PAM: variants seen among roughly 807,000 people sequenced by gnomAD.
The protein encoded by PAM is peptidyl-glycine alpha-amidating monooxygenase.
A neutral mutation model predicts 122.1 loss-of-function variants in PAM; 72 were observed. That is an observed-to-expected ratio of 0.59 (90% CI 0.49 to 0.72). The LOEUF (loss-of-function observed/expected upper bound fraction) is 0.72. PAM is among the 30% of genes least tolerant of loss of function. The pLI is 0.00. For missense variants in PAM, 1,106 were observed against 1,183.7 expected (o/e 0.93, Z 0.96); for synonymous variants, 389 against 404.4 (o/e 0.96, Z 0.46).
intron 5 of PAM, among the ~76,000 whole-genome samples, chr5:102,917,757 A>G (rs1383284442): frequency 1.3e-5 from 2 of 152,164 alleles, no homozygotes; most frequent in South Asian, 2.1e-4. Flanking sequence ...GCAAATAGCT[A>G]TTCTGATGAT....
At position 102,916,828 on chromosome 5, in the gene PAM, G is replaced by A. The variant is rs1185428220; in HGVS notation, c.356+2807G>A. On this transcript the variant is annotated intron_variant, in intron 5 of 25. Coordinates refer to ENST00000438793, the MANE Select transcript of PAM (RefSeq NM_001177306.2). ...GCTCACTGCAACCTCCACCTCCTGG[G>A]TTCAAGCAATTCTCCTGCCTCAGCC... 3.3e-5 allele frequency among the ~76,000 whole-genome samples: 5 copies of A among 151,160 alleles called. No individual in the cohort carries two copies. In the East Asian group the frequency reaches 9.7e-4, roughly 29 times the overall value.
intron 1 of PAM, among the ~76,000 whole-genome samples, chr5:102,856,162 T>C (rs1026850518): frequency 2.0e-5 from 3 of 152,172 alleles, no homozygotes; most frequent in Non-Finnish European, 4.4e-5. Context: ...ACTTGCTTCA[T>C]GAGTTAAGGC....
chr5:102,761,496 TAAAAG>T (rs1286502042), intron 1 of PAM, among the ~76,000 whole-genome samples: 4 of 152,132 alleles, frequency 2.6e-5, no homozygotes, highest in Admixed American at 2.6e-4. Context: ...TAGAAATAAA[TAAAAG>T]TAAAGTCTGA....
chr5:102,923,794 T>A (rs1167291668), intron 5 of PAM, among the ~76,000 whole-genome samples: 1 of 152,184 alleles, frequency 6.6e-6, no homozygotes, highest in East Asian at 1.9e-4. Context: ...ACAGAGCTGC[T>A]AAGGGGTGGT....
At chr5:102,938,713 TTAAATTTTTAACCCAAG>T (rs761735671) in intron 7 of PAM, among the ~76,000 whole-genome samples, 2 of 152,152 alleles carry the variant, frequency 1.3e-5, no homozygotes, top group Non-Finnish European at 2.9e-5. Context: ...GCAAATAGCA[TTAAATTTTTAACCCAAG>T]TAAATTAAGA....
At chr5:102,918,754 G>A (rs993015607) in intron 5 of PAM, among the ~76,000 whole-genome samples, 2 of 151,980 alleles carry the variant, frequency 1.3e-5, no homozygotes, top group African/African-American at 2.4e-5. Context: ...TTAAATATGA[G>A]ATTGTAGGCT....
chr5:102,845,243 G>A (rs774639034), intron 1 of PAM, among the ~76,000 whole-genome samples: 1 of 152,188 alleles, frequency 6.6e-6, no homozygotes, highest in Non-Finnish European at 1.5e-5. Flanking sequence ...GAGAGGAGGG[G>A]CACATGAAAT....
chr5:102,920,875 C>G (rs1044006037), intron 5 of PAM, among the ~76,000 whole-genome samples: 4 of 151,724 alleles, frequency 2.6e-5, no homozygotes, highest in East Asian at 1.9e-4. Context: ...TTTTAAATAG[C>G]CTTTAACAGA....
chr5:102,770,085 A>T (rs1263061668), intron 1 of PAM, among the ~76,000 whole-genome samples: 2 of 152,120 alleles, frequency 1.3e-5, no homozygotes, highest in African/African-American at 4.8e-5. Flanking sequence ...ATCTTTGATT[A>T]ATTCATAGGT....
chr5:103,019,776 T>A lies in PAM; in HGVS notation c.2432-14T>A. The A allele has an allele frequency of 6.3e-7, 1 of 1,575,076 alleles. No individual in the cohort carries two copies. The highest frequency in any genetic ancestry group is 8.7e-7 in the Non-Finnish European group (1 of 1,144,550). On this transcript the variant is annotated splice_polypyrimidine_tract_variant and intron_variant, in intron 22 of 25. Coordinates refer to ENST00000438793, the MANE Select transcript of PAM (RefSeq NM_001177306.2). ...AGATTCTGACTTTTCTCTCTCCTTGTTGTGTTGTTACAGAATTGGAACATC... is the reference window on the plus strand; with the variant it reads ...AGATTCTGACTTTTCTCTCTCCTTGATGTGTTGTTACAGAATTGGAACATC...
At chr5:102,870,058 A>G (rs897288626) in intron 3 of PAM, among the ~76,000 whole-genome samples, 5 of 152,116 alleles carry the variant, frequency 3.3e-5, no homozygotes, top group Admixed American at 2.0e-4. Flanking sequence ...AGGTTGAAGG[A>G]AAATGTAAAA....
At chr5:102,874,066 A>G (rs1453710729) in intron 3 of PAM, among the ~76,000 whole-genome samples, 1 of 152,232 alleles carries the variant, frequency 6.6e-6, no homozygotes, top group Non-Finnish European at 1.5e-5. Context: ...TTGAGAAACT[A>G]ATATTATCTT....
intron 1 of PAM, among the ~76,000 whole-genome samples, chr5:102,834,052 G>A (rs959771135): frequency 1.3e-5 from 2 of 152,086 alleles, no homozygotes; most frequent in Non-Finnish European, 2.9e-5. Flanking sequence ...GGTTCAAAAT[G>A]TGTTCTTTAT....
In PAM at chr5:103,029,024, TA is replaced by T. The variant is rs1213104048; in HGVS notation, c.2882del (p.Tyr961PhefsTer20). ...EDDGSESEEE[Y>X]SAPLPALAPS... Reference sequence around the variant, plus strand: ...TGATGGAAGTGAATCAGAAGAGGAGTATTCAGCACCTCTGCCTGCGCTCGCA... The same window carrying T: ...TGATGGAAGTGAATCAGAAGAGGAGTTTCAGCACCTCTGCCTGCGCTCGCA... On this transcript the variant is annotated frameshift_variant, in exon 26 of 26. Transcript: ENST00000438793. LOFTEE classifies it high-confidence loss of function. The T allele has an allele frequency of 6.2e-7, 1 of 1,612,870 alleles. No individual in the cohort carries two copies. Among genetic ancestry groups the T allele is most frequent in the Admixed American group, 1.7e-5 (1 of 59,822 alleles).
At position 102,801,928 on chromosome 5, in the gene PAM, G is replaced by A. The variant is rs796746905; in HGVS notation, c.-374+46580G>A. ...CGAGTAGCTGGGACTACAGGCGCCC[G>A]CCACCACGCCCGGCTAATTTTTTGT... On this transcript the variant is annotated intron_variant, in intron 1 of 25. Coordinates refer to ENST00000438793, the MANE Select transcript of PAM (RefSeq NM_001177306.2). Among the ~76,000 whole-genome samples, 78 of 150,596 alleles carry A rather than the reference G, an allele frequency of 5.2e-4. 1 individual carries two copies. The highest frequency in any genetic ancestry group is 1.6e-3 in the African/African-American group (66 of 40,996).
At chr5:102,787,612 C>G (rs867658178) in intron 1 of PAM, among the ~76,000 whole-genome samples, 1 of 112,892 alleles carries the variant, frequency 8.9e-6, no homozygotes, top group African/African-American at 3.1e-5. Context: ...TCAGCTTGAA[C>G]AAGACCCCAG....
At chr5:103,003,719 T>C (rs1177538263) in intron 17 of PAM, among the ~76,000 whole-genome samples, 1 of 152,126 alleles carries the variant, frequency 6.6e-6, no homozygotes, top group Non-Finnish European at 1.5e-5. Context: ...ACATACTTGA[T>C]TAAGTGAGTT....
At chr5:102,946,974 G>A (rs946522423) in intron 8 of PAM, 89 bp downstream of exon 8, 1 of 842,778 alleles carries the variant, frequency 1.2e-6, no homozygotes, top group Non-Finnish European at 2.0e-6. Context: ...ATTATCTGTG[G>A]GTAAAAATTA....
At chr5:102,909,275 A>T (rs1800663336) in intron 4 of PAM, among the ~76,000 whole-genome samples, 1 of 151,878 alleles carries the variant, frequency 6.6e-6, no homozygotes, top group Non-Finnish European at 1.5e-5. Flanking sequence ...AAACGATTTT[A>T]GGTGATACAG....
Sources: gnomAD v4.1 joint callset for allele counts (sites outside exome capture counted in the v4.1 genomes callset) on GRCh38, gnomAD v4.1.1 for gene constraint, MANE v1.5 for transcripts, NCBI Gene and HGNC (gene_info 2026-07-23, HGNC 2026-07-21) for gene names.